RNF216: variants seen among roughly 807,000 people sequenced by gnomAD.
The protein encoded by RNF216 is E3 ubiquitin-protein ligase RNF216.
A neutral mutation model predicts 110.8 loss-of-function variants in RNF216; 72 were observed. The observed-to-expected ratio is 0.65, with a 90% CI of 0.54 to 0.79. The LOEUF is 0.79. Among genes scored for constraint, RNF216 ranks in the 30% least tolerant of loss-of-function variants. The probability of loss-of-function intolerance (pLI) is 0.00; values close to 1 mark genes in which losing one functional copy is unlikely to be tolerated. For synonymous variants in RNF216, 495 were observed against 407.5 expected (o/e 1.21, Z -2.59); for missense variants, 1,342 against 1,141.2 (o/e 1.18, Z -2.54).
At chr7:5,674,333 A>T (rs973486403) in intron 13 of RNF216, among the ~76,000 whole-genome samples, 2 of 151,704 alleles carry the variant, frequency 1.3e-5, no homozygotes, top group African/African-American at 4.8e-5. Context: ...TAATTTTCAA[A>T]TTTTTAGTAC....
chr7:5,753,851 C>T lies in RNF216; in HGVS notation c.68-872G>A, dbSNP rs544541074. ...CTCTACTAAAAATACAAAAATTAGC[C>T]ATGCGTGGTGGCGCATGCCTGTAAT... is the stretch of plus-strand genomic sequence containing the variant. On this transcript the variant is annotated intron_variant, in intron 2 of 16. Coordinates refer to ENST00000389902, the MANE Select transcript of RNF216 (RefSeq NM_207111.4). 2.0e-5 allele frequency among the ~76,000 whole-genome samples: 3 copies of T among 152,194 alleles called. No individual in the cohort carries two copies. In the South Asian group the frequency reaches 6.2e-4, roughly 32 times the overall value.
intron 13 of RNF216, among the ~76,000 whole-genome samples, chr7:5,703,713 C>G (rs1315469233): frequency 1.3e-5 from 2 of 152,178 alleles, no homozygotes; most frequent in African/African-American, 4.8e-5. Flanking sequence ...GCAGTTTCCA[C>G]GAAAAGACTA....
intron 15 of RNF216, among the ~76,000 whole-genome samples, chr7:5,631,556 T>A (rs1190570823): frequency 6.6e-6 from 1 of 152,194 alleles, no homozygotes; most frequent in Admixed American, 6.5e-5. Flanking sequence ...TTGCCTGACA[T>A]GTTTTCTCCT....
intron 1 of RNF216, among the ~76,000 whole-genome samples, chr7:5,765,952 C>CAAAAAA (rs138328361): frequency 9.8e-6 from 1 of 102,362 alleles, no homozygotes; most frequent in Non-Finnish European, 1.9e-5. Context: ...GACTCTGTCT[C>CAAAAAA]AAAAAAAAAA....
At chr7:5,648,685 G>A (rs1030088234) in intron 14 of RNF216, among the ~76,000 whole-genome samples, 12 of 149,356 alleles carry the variant, frequency 8.0e-5, no homozygotes, top group Non-Finnish European at 1.0e-4. Context: ...CCGAGATAGC[G>A]CCACTGCATT....
In RNF216 at chr7:5,741,541, C is replaced by A; in HGVS notation, c.476G>T (p.Gly159Val). 6.2e-7 allele frequency: 1 copy of A among 1,614,172 alleles called. No individual in the cohort carries two copies. Among genetic ancestry groups the A allele is most frequent in the Non-Finnish European group, 8.5e-7 (1 of 1,180,034 alleles). ...ATTTGCTGCTTGGTTATGACTCGGTCCAGGCTTGGGTTCTCTTTCTGTTTG... is the reference window on the plus strand; with the variant it reads ...ATTTGCTGCTTGGTTATGACTCGGTACAGGCTTGGGTTCTCTTTCTGTTTG... Reference protein sequence around the residue: ...SGQTEREPKPGPSHNQAANDI... With the variant: ...SGQTEREPKPVPSHNQAANDI... Residue 159 changes from glycine (G) to valine (V), a missense_variant, in exon 4 of 17, where the codon GGA becomes GTA. Gly to Val is a moderately radical substitution (Grantham distance 109). Coordinates refer to ENST00000389902, the MANE Select transcript of RNF216 (RefSeq NM_207111.4).
At chr7:5,780,990 C>G (rs1460346731) in intron 1 of RNF216, among the ~76,000 whole-genome samples, 1 of 152,260 alleles carries the variant, frequency 6.6e-6, no homozygotes, top group Non-Finnish European at 1.5e-5. Context: ...GGGCCAGCCC[C>G]CAGCGCCCCG....
chr7:5,706,342 A>T (rs1227552031), intron 13 of RNF216, among the ~76,000 whole-genome samples: 1 of 152,200 alleles, frequency 6.6e-6, no homozygotes, highest in Non-Finnish European at 1.5e-5. Context: ...AAACAACTTA[A>T]TCTGGCATGA....
At chr7:5,737,950 G>C (rs2128649858) in intron 5 of RNF216, among the ~76,000 whole-genome samples, 1 of 152,020 alleles carries the variant, frequency 6.6e-6, no homozygotes, top group African/African-American at 2.4e-5. Flanking sequence ...TAGCCGGACA[G>C]GGTGGAGTAC....
chr7:5,653,649 A>G (rs1788543944), intron 13 of RNF216, among the ~76,000 whole-genome samples: 2 of 151,912 alleles, frequency 1.3e-5, no homozygotes, highest in South Asian at 4.2e-4. Context: ...TGTTAATCCA[A>G]TGATCACAGG....
At position 5,719,506 on chromosome 7, in the gene RNF216, C is replaced by T. The variant is rs143724644; in HGVS notation, c.1644+1527G>A. Among the ~76,000 whole-genome samples, 592 of 152,172 alleles carry T rather than the reference C, an allele frequency of 3.9e-3. 2 individuals carry two copies. Among genetic ancestry groups the T allele is most frequent in the African/African-American group, 0.013 (539 of 41,526 alleles). ...AGATGTTGTCAGAGACTACAGGGGTCGGGTTAAGAGAGACTAACTTGAAGG... is the reference window on the plus strand; with the variant it reads ...AGATGTTGTCAGAGACTACAGGGGTTGGGTTAAGAGAGACTAACTTGAAGG... On this transcript the variant is annotated intron_variant, in intron 9 of 16. Transcript: ENST00000389902.
At chr7:5,743,889 G>T (rs1794899940) in intron 3 of RNF216, among the ~76,000 whole-genome samples, 1 of 152,218 alleles carries the variant, frequency 6.6e-6, no homozygotes, top group Admixed American at 6.5e-5. Context: ...AATGTGAGGT[G>T]CTGGTGCTCT....
chr7:5,776,079 T>C (rs13241054), intron 1 of RNF216, among the ~76,000 whole-genome samples: 63,883 of 151,930 alleles, frequency 0.42, 13,819 homozygotes, highest in East Asian at 0.76. Flanking sequence ...ATACAATTAA[T>C]ATTAAATCAA....
intron 7 of RNF216, 97 bp from the exon 8 acceptor site, chr7:5,725,535 T>C: frequency 2.7e-6 from 2 of 740,210 alleles, no homozygotes; most frequent in East Asian, 5.0e-5. Context: ...CAGTTTCAGC[T>C]GTCTACCCAG....
intron 1 of RNF216, among the ~76,000 whole-genome samples, chr7:5,771,926 G>A (rs923214512): frequency 6.6e-6 from 1 of 151,930 alleles, no homozygotes; most frequent in Non-Finnish European, 1.5e-5. Flanking sequence ...TGAGACATCA[G>A]AGAAATGTAA....
chr7:5,691,406 A>ATGAT (rs1791331495), intron 13 of RNF216, among the ~76,000 whole-genome samples: 1 of 152,098 alleles, frequency 6.6e-6, no homozygotes, highest in Non-Finnish European at 1.5e-5. Flanking sequence ...AGGCCCATTA[A>ATGAT]TGATACAAGA....
intron 15 of RNF216, among the ~76,000 whole-genome samples, chr7:5,635,175 C>G (rs1448766861): frequency 6.6e-6 from 1 of 152,132 alleles, no homozygotes; most frequent in African/African-American, 2.4e-5. Context: ...CAGTAAAAAT[C>G]ACACTGCATA....
chr7:5,705,927 C>T (rs1248134659), intron 13 of RNF216, among the ~76,000 whole-genome samples: 11 of 52,532 alleles, frequency 2.1e-4, no homozygotes, highest in Non-Finnish European at 3.2e-4. Context: ...TAAAACAAAA[C>T]AAAACAAAAC....
chr7:5,721,251 G>T, intron 8 of RNF216, 79 bp from the exon 9 acceptor site: 2 of 1,271,396 alleles, frequency 1.6e-6, no homozygotes, highest in Non-Finnish European at 2.2e-6. Flanking sequence ...CATTCTTCCC[G>T]GCCTCATCCT....
Sources: allele counts gnomAD v4.1 joint callset (sites outside exome capture counted in the v4.1 genomes callset), GRCh38; gene constraint gnomAD v4.1.1; transcripts MANE v1.5; gene names NCBI Gene and HGNC (gene_info 2026-07-23, HGNC 2026-07-21).